The following TCF20 variants were observed in gnomAD, a reference collection of about 807,000 sequenced individuals.
TCF20 encodes transcription factor 20, also known as SPRE-binding protein.
A neutral mutation model predicts 148.6 loss-of-function variants in TCF20; 3 were observed. That is an observed-to-expected ratio of 0.02 (90% CI 0.01 to 0.05). The LOEUF (loss-of-function observed/expected upper bound fraction) is 0.05, where lower values mean the gene tolerates loss of function less well. TCF20 is among the 10% of genes least tolerant of loss of function. The pLI, the probability that TCF20 is intolerant of heterozygous loss-of-function variation, is 1.00. For missense variants in TCF20, 2,350 were observed against 2,429.3 expected (o/e 0.97, Z 0.69); for synonymous variants, 1,049 against 909.5 (o/e 1.15, Z -2.76).
chr22:42,243,319 A>AAAAAAAAC (rs1418328003), intron 1 of TCF20, among the ~76,000 whole-genome samples: 1 of 146,988 alleles, frequency 6.8e-6, no homozygotes, highest in East Asian at 2.0e-4. Context: ...AAAAAAAAAA[A>AAAAAAAAC]AAGTCAGGCA....
At chr22:42,267,762 T>A (rs558061904) in intron 1 of TCF20, among the ~76,000 whole-genome samples, 1 of 152,062 alleles carries the variant, frequency 6.6e-6, no homozygotes, top group Non-Finnish European at 1.5e-5. Context: ...ACAAGAAAAT[T>A]ACTACCAAAC....
intron 1 of TCF20, among the ~76,000 whole-genome samples, chr22:42,303,744 C>A (rs1447703709): frequency 6.6e-6 from 1 of 151,876 alleles, no homozygotes; most frequent in Non-Finnish European, 1.5e-5. Flanking sequence ...GAGTGCACTG[C>A]TTGGAAAACG....
chr22:42,186,017 T>G (rs1937028507), intron 2 of TCF20, among the ~76,000 whole-genome samples: 1 of 152,246 alleles, frequency 6.6e-6, no homozygotes, highest in African/African-American at 2.4e-5. Flanking sequence ...TGCACTTATG[T>G]CCTACAGCTG....
Position 42,160,518 on chromosome 22 carries a change from C to T in TCF20, c.*885G>A, listed in dbSNP as rs1022962737. The T allele has an allele frequency of 1.3e-5, 2 of 152,568 alleles. No individual in the cohort carries two copies. Among genetic ancestry groups the T allele is most frequent in the Non-Finnish European group, 2.9e-5 (2 of 68,096 alleles). The allele number at this position is 152,568 out of a possible 1,614,324, so 9.5% of individuals were successfully genotyped here. On this transcript the variant is annotated 3_prime_UTR_variant, in exon 6 of 6. Coordinates refer to ENST00000677622, the MANE Select transcript of TCF20 (RefSeq NM_001378418.1). Reference sequence around the variant, plus strand: ...CAGGGGGCCCCAGAGGAGGGTCATCCCTTGATTTTGCTGCTGCTGTGTACA... The same window carrying T: ...CAGGGGGCCCCAGAGGAGGGTCATCTCTTGATTTTGCTGCTGCTGTGTACA...
chr22:42,208,944 A>T (rs1409944641), intron 2 of TCF20, among the ~76,000 whole-genome samples: 1 of 152,222 alleles, frequency 6.6e-6, no homozygotes, highest in Non-Finnish European at 1.5e-5. Context: ...CCTAGGGAAA[A>T]GGAGAAGATC....
intron 2 of TCF20, among the ~76,000 whole-genome samples, chr22:42,180,754 C>G (rs547809835): frequency 6.6e-6 from 1 of 152,358 alleles, no homozygotes; most frequent in East Asian, 1.9e-4. Context: ...GCCCTCTGCA[C>G]TATTCCACCT....
At chr22:42,166,111 GA>G (rs1327586963) in intron 5 of TCF20, among the ~76,000 whole-genome samples, 1 of 152,204 alleles carries the variant, frequency 6.6e-6, no homozygotes, top group African/African-American at 2.4e-5. Flanking sequence ...GCTGAACTGG[GA>G]AACCAGGAAA....
intron 1 of TCF20, among the ~76,000 whole-genome samples, chr22:42,233,497 G>A (rs763017155): frequency 6.6e-6 from 1 of 152,164 alleles, no homozygotes; most frequent in Non-Finnish European, 1.5e-5. Context: ...TACCAGCTTT[G>A]CTGACATACC....
chr22:42,268,241 G>T (rs1313264671), intron 1 of TCF20, among the ~76,000 whole-genome samples: 1 of 152,026 alleles, frequency 6.6e-6, no homozygotes, highest in African/African-American at 2.4e-5. Flanking sequence ...AACATATTGG[G>T]CTCATATCCG....
chr22:42,184,633 G>T (rs1352206217), intron 2 of TCF20, among the ~76,000 whole-genome samples: 1 of 152,030 alleles, frequency 6.6e-6, no homozygotes, highest in Non-Finnish European at 1.5e-5. Flanking sequence ...TCCAAGCAGA[G>T]GTAAGTCCAT....
chr22:42,164,983 G>C (rs1470582793), intron 5 of TCF20, among the ~76,000 whole-genome samples: 1 of 152,224 alleles, frequency 6.6e-6, no homozygotes, highest in Admixed American at 6.5e-5. Flanking sequence ...GCTTTGTGTG[G>C]AAGATGACAA....
rs181134672 is a variant in TCF20, at chr22:42,179,534, C to A, written c.5749+75G>T. 5.1e-4 allele frequency: 427 copies of A among 829,828 alleles called. 1 individual carries two copies. In the East Asian group the frequency reaches 5.3e-3, roughly 10 times the overall value. The allele number at this position is 829,828 out of a possible 1,614,324, so 51.4% of individuals were successfully genotyped here. ...AAAGAAAAGAAAAGAAAAAAAACAA[C>A]GACAACAGAGAGAATCAAACTGTAT... On this transcript the variant is annotated intron_variant, in intron 3 of 5. Transcript: ENST00000677622.
intron 1 of TCF20, among the ~76,000 whole-genome samples, chr22:42,315,919 T>C (rs764078973): frequency 8.6e-5 from 13 of 151,446 alleles, no homozygotes; most frequent in Non-Finnish European, 1.0e-4. Flanking sequence ...TTTGAGACCA[T>C]CCTGGCCAAC....
intron 1 of TCF20, among the ~76,000 whole-genome samples, chr22:42,339,014 G>A (rs1344291119): frequency 1.3e-5 from 2 of 152,076 alleles, no homozygotes; most frequent in African/African-American, 4.8e-5. Context: ...CCTCCCACGA[G>A]CAGCCCCTCT....
intron 1 of TCF20, among the ~76,000 whole-genome samples, chr22:42,298,353 G>T (rs578235707): frequency 1.2e-4 from 19 of 152,360 alleles, no homozygotes; most frequent in African/African-American, 4.1e-4. Flanking sequence ...GCCGACTGTT[G>T]TTGGGGCACC....
chr22:42,204,520 A>G (rs1016624414), intron 2 of TCF20, among the ~76,000 whole-genome samples: 2 of 151,822 alleles, frequency 1.3e-5, no homozygotes, highest in Non-Finnish European at 2.9e-5. Context: ...AAAAACCCTA[A>G]ATATAATCTT....
intron 1 of TCF20, among the ~76,000 whole-genome samples, chr22:42,330,011 C>T (rs1163934763): frequency 6.6e-6 from 1 of 152,176 alleles, no homozygotes; most frequent in East Asian, 1.9e-4. Flanking sequence ...GCCTGTGGGC[C>T]CCTTCCCTTG....
At chr22:42,294,637 G>C (rs1297550629) in intron 1 of TCF20, among the ~76,000 whole-genome samples, 1 of 152,216 alleles carries the variant, frequency 6.6e-6, no homozygotes. Context: ...GCCACTGATG[G>C]AGGCCAGGCT....
chr22:42,193,321 GTCAC>G (rs766662306), intron 2 of TCF20, among the ~76,000 whole-genome samples: 85 of 147,860 alleles, frequency 5.7e-4, no homozygotes, highest in Middle Eastern at 3.4e-3. Context: ...GTCTCGCTCT[GTCAC>G]TCATTCATCA....
Sources: gnomAD v4.1 joint callset for allele counts (sites outside exome capture counted in the v4.1 genomes callset) on GRCh38, gnomAD v4.1.1 for gene constraint, MANE v1.5 for transcripts, NCBI Gene and HGNC (gene_info 2026-07-23, HGNC 2026-07-21) for gene names.